The following FAIM variants were observed in gnomAD, a reference collection of about 807,000 sequenced individuals.
FAIM encodes the protein fas apoptotic inhibitory molecule 1.
Under a neutral mutation model 21.2 loss-of-function variants are expected in FAIM, and 14 were observed. The ratio of observed to expected loss-of-function variants is 0.66; its 90% confidence interval spans 0.44 to 1.03. The LOEUF is 1.03. Ranked by LOEUF, FAIM falls within the 50% of genes least tolerant of loss-of-function variation. The pLI is 0.00. For missense variants in FAIM, 222 were observed against 247.1 expected, an observed-to-expected ratio of 0.90 and a Z score of 0.68; for synonymous variants, 86 against 80.4, an observed-to-expected ratio of 1.07 and a Z score of -0.37.
chr3:138,610,582 G>A (rs1300322316), intron 1 of FAIM: 1 of 160,500 alleles, frequency 6.2e-6, no homozygotes, highest in Non-Finnish European at 1.4e-5. Flanking sequence ...TTGCTCCCAA[G>A]TTTCATTTTT....
chr3:138,622,166 A>T, intron 3 of FAIM, 22 bp from the exon 4 acceptor site: 1 of 1,538,662 alleles, frequency 6.5e-7, no homozygotes, highest in South Asian at 1.2e-5. Context: ...TTTGTTTCAT[A>T]TTTTTCTGTT....
At chr3:138,623,930 T>A (rs2042914267) in intron 4 of FAIM, among the ~76,000 whole-genome samples, 1 of 152,198 alleles carries the variant, frequency 6.6e-6, no homozygotes, top group Non-Finnish European at 1.5e-5. Flanking sequence ...GTACAGAGTT[T>A]TAATTTCAAA....
intron 4 of FAIM, among the ~76,000 whole-genome samples, chr3:138,626,606 A>G (rs1378606893): frequency 1.3e-5 from 2 of 152,184 alleles, no homozygotes; most frequent in Non-Finnish European, 2.9e-5. Context: ...TGAACACTTG[A>G]GCTGTTTCTA....
chr3:138,612,680 T>A (rs562719358), intron 1 of FAIM, among the ~76,000 whole-genome samples: 1 of 152,184 alleles, frequency 6.6e-6, no homozygotes, highest in Non-Finnish European at 1.5e-5. Flanking sequence ...ATTTCAAAAC[T>A]TTTTGAGTGC....
At chr3:138,623,029 C>G (rs1224756813) in intron 4 of FAIM, among the ~76,000 whole-genome samples, 1 of 144,768 alleles carries the variant, frequency 6.9e-6, no homozygotes, top group Non-Finnish European at 1.5e-5. Flanking sequence ...AAAAGCAAGA[C>G]TCCATCTCAA....
chr3:138,619,963 A>T (rs1037035032), intron 2 of FAIM, among the ~76,000 whole-genome samples, 193 bp downstream of exon 2: 1 of 152,250 alleles, frequency 6.6e-6, no homozygotes, highest in African/African-American at 2.4e-5. Flanking sequence ...GAAACATGGC[A>T]TCCATTTCAG....
chr3:138,624,046 C>T (rs927328800), intron 4 of FAIM, among the ~76,000 whole-genome samples: 1 of 151,852 alleles, frequency 6.6e-6, no homozygotes, highest in East Asian at 1.9e-4. Flanking sequence ...TTTTTCTTTC[C>T]AGAAGGTTTT....
chr3:138,609,395 G>GAAGCAAGC (rs1337759335), intron 1 of FAIM, among the ~76,000 whole-genome samples: 1 of 152,096 alleles, frequency 6.6e-6, no homozygotes, highest in Non-Finnish European at 1.5e-5. Flanking sequence ...AGAAAGCAAG[G>GAAGCAAGC]AAGCAAGCAA....
Position 138,633,210 on chromosome 3 carries a change from C to CA in FAIM, c.*132dup, listed in dbSNP as rs2043025863. 1.3e-6 allele frequency: 1 copy of CA among 776,132 alleles called. No homozygotes were observed. The highest frequency in any genetic ancestry group is 3.8e-5 in the Admixed American group (1 of 26,660). 48.1% of individuals were successfully genotyped at this position (776,132 alleles called of 1,614,324 possible). ...TTTTTAAAAAGTTACATGAAACTAA[C>CA]ATTCCAAGGGTCAGGAAAAAAACCA... On this transcript the variant is annotated 3_prime_UTR_variant, in exon 6 of 6. Transcript: ENST00000360570.
At chr3:138,631,576 G>A (rs893618389) in intron 5 of FAIM, among the ~76,000 whole-genome samples, 1 of 152,146 alleles carries the variant, frequency 6.6e-6, no homozygotes, top group African/African-American at 2.4e-5. Flanking sequence ...AGTTTGCAGG[G>A]CAGTTTGGGC....
At chr3:138,618,478 C>A (rs1238035716) in intron 1 of FAIM, among the ~76,000 whole-genome samples, 3 of 151,976 alleles carry the variant, frequency 2.0e-5, no homozygotes, top group African/African-American at 7.3e-5. Flanking sequence ...ACCAGCCTGA[C>A]CAACATGGCA....
chr3:138,620,573 G>C (rs182819668), intron 2 of FAIM, among the ~76,000 whole-genome samples: 48 of 152,256 alleles, frequency 3.2e-4, no homozygotes, highest in African/African-American at 1.1e-3. Context: ...ATGGCTCACT[G>C]CAGCCTCAAC....
intron 5 of FAIM, among the ~76,000 whole-genome samples, chr3:138,631,348 A>C (rs1453722140): frequency 4.6e-5 from 7 of 152,036 alleles, no homozygotes; most frequent in Admixed American, 6.5e-5. Flanking sequence ...CCAGGAGTTC[A>C]AGGCTGCAAT....
In FAIM at chr3:138,626,673, AACAGGAC is replaced by A. The variant is rs571880456; in HGVS notation, c.407-2430_407-2424del. On this transcript the variant is annotated intron_variant, in intron 4 of 5. Transcript: ENST00000360570. ...ATAGCTTTGTTTGCATGCCTCTTGGAACAGGACACATATTATATTAGTACACATTTCT... is the reference window on the plus strand; with the variant it reads ...ATAGCTTTGTTTGCATGCCTCTTGGAACATATTATATTAGTACACATTTCT... Among the ~76,000 whole-genome samples, 91 of 152,288 alleles carry A rather than the reference AACAGGAC, an allele frequency of 6.0e-4. 1 individual carries two copies. In the East Asian group the frequency reaches 0.013, roughly 22 times the overall value.
At chr3:138,609,613 G>A (rs1221299888) in intron 1 of FAIM, among the ~76,000 whole-genome samples, 2 of 14,310 alleles carry the variant, frequency 1.4e-4, no homozygotes, top group Non-Finnish European at 1.1e-4. Flanking sequence ...TCTCTCTCTC[G>A]ACTCTCTCTC....
At chr3:138,629,381 T>C in intron 5 of FAIM, 8 of 442,314 alleles carry the variant, frequency 1.8e-5, no homozygotes, top group Non-Finnish European at 3.2e-5. Flanking sequence ...ACTAGCTTCA[T>C]ACTCTCCCTT....
intron 4 of FAIM, among the ~76,000 whole-genome samples, chr3:138,627,556 G>A (rs1306487998): frequency 1.3e-5 from 2 of 152,072 alleles, no homozygotes; most frequent in African/African-American, 4.8e-5. Context: ...TTCTTCAGAG[G>A]CATGCTAATA....
chr3:138,627,873 T>G (rs1022526332), intron 4 of FAIM, among the ~76,000 whole-genome samples: 6 of 152,160 alleles, frequency 3.9e-5, no homozygotes, highest in Admixed American at 2.0e-4. Flanking sequence ...GAACCCCCTT[T>G]AGACTGTGCT....
intron 1 of FAIM, among the ~76,000 whole-genome samples, chr3:138,616,825 A>C (rs577439451): frequency 2.2e-4 from 33 of 152,282 alleles, no homozygotes; most frequent in African/African-American, 7.9e-4. Context: ...GAGAGTAACA[A>C]ATTTTATATT....
Sources: gnomAD v4.1 joint callset for allele counts (sites outside exome capture counted in the v4.1 genomes callset) on GRCh38, gnomAD v4.1.1 for gene constraint, MANE v1.5 for transcripts, NCBI Gene and HGNC (gene_info 2026-07-23, HGNC 2026-07-21) for gene names.